The following ALKBH3 variants were observed in gnomAD, a reference collection of about 807,000 sequenced individuals.
ALKBH3 encodes the protein alpha-ketoglutarate-dependent dioxygenase alkB homolog 3.
Under a neutral mutation model 43.9 loss-of-function variants are expected in ALKBH3, and 51 were observed. The observed-to-expected ratio is 1.16, with a 90% CI of 0.93 to 1.47. ALKBH3 has a LOEUF of 1.47. ALKBH3 is among the 40% of genes most tolerant of loss of function. ALKBH3 has a pLI of 0.00. For synonymous variants in ALKBH3, 102 were observed against 115.2 expected (o/e 0.89, Z 0.73); for missense variants, 361 against 351.9 (o/e 1.03, Z -0.21).
intron 2 of ALKBH3, 26 bp from the exon 3 acceptor site, chr11:43,883,059 T>C: frequency 1.3e-6 from 2 of 1,596,742 alleles, no homozygotes; most frequent in Non-Finnish European, 8.6e-7. Flanking sequence ...TCCCCTGGTT[T>C]GAGGCTGTCC....
rs1166544760 is a variant in ALKBH3, at chr11:43,906,641, G to A, written c.669+4916G>A. On this transcript the variant is annotated intron_variant, in intron 8 of 9. Coordinates refer to ENST00000302708, the MANE Select transcript of ALKBH3 (RefSeq NM_139178.4). ...AGATGGGAGGATCCCTTGAGCTCAG[G>A]AGTTTGAGACCAGCCTGGGTAACAG... is the stretch of plus-strand genomic sequence containing the variant. Among the ~76,000 whole-genome samples, 6 of 152,256 alleles carry A rather than the reference G, an allele frequency of 3.9e-5. No individual in the cohort carries two copies. The South Asian group carries it at 1.0e-3, about 26-fold the overall frequency.
chr11:43,907,681 A>T (rs1187358604), intron 8 of ALKBH3, among the ~76,000 whole-genome samples: 1 of 152,072 alleles, frequency 6.6e-6, no homozygotes. Context: ...AGAAGAGCAA[A>T]GTGTGTTTCA....
intron 7 of ALKBH3, chr11:43,898,602 A>G (rs748050230): frequency 1.6e-5 from 12 of 747,724 alleles, no homozygotes; most frequent in South Asian, 1.1e-4. Flanking sequence ...CTATCAGCTC[A>G]TGGACCTGCC....
intron 8 of ALKBH3, among the ~76,000 whole-genome samples, chr11:43,911,984 G>A (rs548850678): frequency 5.3e-5 from 8 of 152,202 alleles, no homozygotes; most frequent in South Asian, 2.1e-4. Context: ...ATAGGCAGGC[G>A]TGGTGGTGCG....
At chr11:43,894,621 G>A (rs1029353547) in intron 7 of ALKBH3, among the ~76,000 whole-genome samples, 1 of 152,158 alleles carries the variant, frequency 6.6e-6, no homozygotes, top group Non-Finnish European at 1.5e-5. Flanking sequence ...GAGCAAGTCA[G>A]GGAAGTGCTA....
intron 8 of ALKBH3, among the ~76,000 whole-genome samples, chr11:43,902,467 G>A (rs1951869929): frequency 6.6e-6 from 1 of 152,190 alleles, no homozygotes; most frequent in Admixed American, 6.5e-5. Flanking sequence ...AGATAGTAAT[G>A]CCAAGAAAAG....
chr11:43,904,509 A>G (rs940917769), intron 8 of ALKBH3, among the ~76,000 whole-genome samples: 5 of 152,212 alleles, frequency 3.3e-5, no homozygotes, highest in Non-Finnish European at 7.3e-5. Context: ...TTTTCCCCAG[A>G]ACCTGTAAAG....
intron 7 of ALKBH3, among the ~76,000 whole-genome samples, chr11:43,895,045 A>G (rs1199591272): frequency 6.6e-6 from 1 of 152,214 alleles, no homozygotes; most frequent in Admixed American, 6.5e-5. Flanking sequence ...ATCCACAACA[A>G]GGAATTCCAT....
chr11:43,882,894 G>A, intron 2 of ALKBH3, 163 bp downstream of exon 2: 1 of 902,906 alleles, frequency 1.1e-6, no homozygotes, highest in South Asian at 1.8e-5. Context: ...GGTGAGCTAA[G>A]GGTGGGTCTT....
At chr11:43,899,995 A>T (rs1010572913) in intron 7 of ALKBH3, among the ~76,000 whole-genome samples, 3 of 151,970 alleles carry the variant, frequency 2.0e-5, no homozygotes. Context: ...TTTCCTTCAT[A>T]TACTTCAATA....
At chr11:43,897,974 C>G (rs939869996) in intron 7 of ALKBH3, 21 of 792,618 alleles carry the variant, frequency 2.6e-5, no homozygotes, top group Non-Finnish European at 1.4e-5. Context: ...CCCCATTGGA[C>G]TCCACCTTCC....
chr11:43,891,048 T>C (rs2135181879), intron 6 of ALKBH3, among the ~76,000 whole-genome samples: 1 of 152,340 alleles, frequency 6.6e-6, no homozygotes, highest in Middle Eastern at 3.4e-3. Context: ...TGAGTATTTT[T>C]GATCCATGGT....
chr11:43,919,843 A>C, intron 9 of ALKBH3, 75 bp from the exon 10 acceptor site: 1 of 1,321,102 alleles, frequency 7.6e-7, no homozygotes, highest in Non-Finnish European at 1.1e-6. Flanking sequence ...ATTCTCATGA[A>C]TAAGTTTTAA....
At chr11:43,898,497 A>G in intron 7 of ALKBH3, 1 of 946,836 alleles carries the variant, frequency 1.1e-6, no homozygotes, top group Non-Finnish European at 1.7e-6. Context: ...GCTTGGTGAG[A>G]GCACTCGGGG....
intron 8 of ALKBH3, among the ~76,000 whole-genome samples, chr11:43,902,671 A>G (rs911976908): frequency 1.3e-5 from 2 of 152,206 alleles, no homozygotes; most frequent in Non-Finnish European, 2.9e-5. Flanking sequence ...ATCTCGGCTC[A>G]CTGCAACCTC....
At chr11:43,905,233 T>C (rs1261909064) in intron 8 of ALKBH3, among the ~76,000 whole-genome samples, 1 of 152,190 alleles carries the variant, frequency 6.6e-6, no homozygotes, top group Non-Finnish European at 1.5e-5. Flanking sequence ...CTTGAGCAGA[T>C]CTCCATTAAC....
Position 43,889,780 on chromosome 11 carries a change from C to G in ALKBH3, c.322C>G (p.Gln108Glu), listed in dbSNP as rs1951770639. ...GAAAGAAGCTGACTGGATATTGGAA[C>G]AGCTTTGTCAAGATGTTCCCTGGAA... ...DVKEADWILEQLCQDVPWKQR... is the reference protein window; with the variant it reads ...DVKEADWILEELCQDVPWKQR... Residue 108 changes from glutamine (Q) to glutamate (E), a missense_variant, in exon 6 of 10, where the codon CAG (glutamine) becomes GAG (glutamate). Transcript: ENST00000302708. 1 of 1,613,934 alleles carries G rather than the reference C, an allele frequency of 6.2e-7. No individual in the cohort carries two copies.
chr11:43,886,134 G>T (rs952708682), intron 4 of ALKBH3, among the ~76,000 whole-genome samples: 2 of 152,198 alleles, frequency 1.3e-5, no homozygotes, highest in African/African-American at 4.8e-5. Context: ...TGAGGACCTT[G>T]AATGCAGTTT....
chr11:43,899,033 C>A lies in ALKBH3; in HGVS notation c.460-2483C>A. On this transcript the variant is annotated intron_variant, in intron 7 of 9. Coordinates refer to ENST00000302708, the MANE Select transcript of ALKBH3 (RefSeq NM_139178.4). ...CAAGCATCTTCAAAGGAGCCCCACA[C>A]AAGATTCTCATTCAGATTGTGGATG... 4.0e-6 allele frequency: 3 copies of A among 750,238 alleles called. No individual in the cohort carries two copies. In the South Asian group the frequency reaches 4.1e-5, roughly 10 times the overall value. The allele number at this position is 750,238 out of a possible 1,614,324, so 46.5% of individuals were successfully genotyped here.
Sources: gnomAD v4.1 joint callset for allele counts (sites outside exome capture counted in the v4.1 genomes callset) on GRCh38, gnomAD v4.1.1 for gene constraint, MANE v1.5 for transcripts, NCBI Gene and HGNC (gene_info 2026-07-23, HGNC 2026-07-21) for gene names.